The following USH2A variants were observed in gnomAD, a reference collection of about 807,000 sequenced individuals.
USH2A encodes the protein usherin.
A neutral mutation model predicts 538.9 loss-of-function variants in USH2A; 443 were observed. The observed-to-expected ratio is 0.82, with a 90% CI of 0.76 to 0.89. The LOEUF is 0.89. Ranked by LOEUF, USH2A falls within the 40% of genes least tolerant of loss-of-function variation. The pLI is 0.00. For missense variants in USH2A, 6,633 were observed against 6,324.8 expected (o/e 1.05, Z -1.65); for synonymous variants, 2,413 against 2,273.5 (o/e 1.06, Z -1.75).
At chr1:215,695,352 T>C (rs1440457992) in intron 61 of USH2A, among the ~76,000 whole-genome samples, 1 of 152,216 alleles carries the variant, frequency 6.6e-6, no homozygotes, top group Non-Finnish European at 1.5e-5. Context: ...TCCTATCTTA[T>C]TCTAACACAA....
intron 9 of USH2A, among the ~76,000 whole-genome samples, chr1:216,309,599 A>C (rs2037383999): frequency 6.6e-6 from 1 of 152,070 alleles, no homozygotes; most frequent in African/African-American, 2.4e-5. Flanking sequence ...AGGAGTGCTG[A>C]GAGGAAACAT....
intron 20 of USH2A, among the ~76,000 whole-genome samples, chr1:216,188,277 T>C (rs1000285739): frequency 2.0e-5 from 3 of 151,916 alleles, no homozygotes; most frequent in Admixed American, 6.6e-5. Flanking sequence ...TTCTATTCTG[T>C]AGACATGTTT....
intron 33 of USH2A, 101 bp downstream of exon 33, chr1:216,000,302 T>C (rs1338678145): frequency 1.3e-6 from 2 of 1,497,098 alleles, no homozygotes; most frequent in Non-Finnish European, 1.9e-6. Context: ...ATGCATTTAA[T>C]CACAATAAAA....
chr1:216,251,145 T>C (rs2036154058), intron 11 of USH2A, 47 bp from the exon 12 acceptor site: 1 of 1,602,800 alleles, frequency 6.2e-7, no homozygotes, highest in Non-Finnish European at 8.5e-7. Flanking sequence ...TATCTATTTT[T>C]AGATAATTTG....
Position 215,674,911 on chromosome 1 carries a change from G to T in USH2A, c.13000C>A (p.Gln4334Lys), listed in dbSNP as rs367850936. The change falls in exon 63 of 72, where the codon CAA becomes AAA. Residue 4334 changes from glutamine to lysine, a missense_variant. Gln to Lys is a moderately conservative substitution (Grantham distance 53). Coordinates refer to ENST00000307340, the MANE Select transcript of USH2A (RefSeq NM_206933.4). ...GAGCATCCTCCACTCGTGCAGGCTT[G>T]GAGTGCATAGCTATAGGTGGAAAAA... is the stretch of plus-strand genomic sequence containing the variant. ...LPFSTYSYALQACTSGGCSTS... is the reference protein window; with the variant it reads ...LPFSTYSYALKACTSGGCSTS... The T allele has an allele frequency of 5.6e-6, 9 of 1,614,024 alleles. No individual in the cohort carries two copies. The highest frequency in any genetic ancestry group is 7.6e-6 in the Non-Finnish European group (9 of 1,180,024).
chr1:215,993,289 C>T, intron 34 of USH2A, 122 bp from the exon 35 acceptor site: 1 of 1,429,854 alleles, frequency 7.0e-7, no homozygotes, highest in South Asian at 1.2e-5. Flanking sequence ...CTTTACTTCC[C>T]CAAAATAAAT....
intron 61 of USH2A, among the ~76,000 whole-genome samples, chr1:215,716,734 A>G (rs1659499564): frequency 6.6e-6 from 1 of 152,204 alleles, no homozygotes; most frequent in Non-Finnish European, 1.5e-5. Flanking sequence ...AGTATCATAT[A>G]AAATGTTTAA....
intron 20 of USH2A, among the ~76,000 whole-genome samples, chr1:216,188,582 AG>A (rs1490046219): frequency 3.9e-5 from 6 of 151,920 alleles, no homozygotes; most frequent in Non-Finnish European, 8.8e-5. Flanking sequence ...AAGAATGTTG[AG>A]TAGAAGTTAC....
chr1:215,798,293 C>G (rs568079768), intron 50 of USH2A, among the ~76,000 whole-genome samples: 1 of 152,184 alleles, frequency 6.6e-6, no homozygotes, highest in South Asian at 2.1e-4. Context: ...CTTTAAAAGC[C>G]CCACCTCCAA....
At chr1:216,340,618 A>G (rs2038059278) in intron 4 of USH2A, among the ~76,000 whole-genome samples, 1 of 152,000 alleles carries the variant, frequency 6.6e-6, no homozygotes, top group Non-Finnish European at 1.5e-5. Context: ...AATACTGACA[A>G]ACCAAATCCA....
chr1:215,900,730 A>C (rs767407094), intron 39 of USH2A, 25 bp downstream of exon 39: 1 of 1,613,416 alleles, frequency 6.2e-7, no homozygotes, highest in African/African-American at 1.3e-5. Flanking sequence ...CCCAGCTGAT[A>C]GAATGGACAA....
At chr1:215,902,239 A>G (rs1353658731) in intron 38 of USH2A, among the ~76,000 whole-genome samples, 1 of 152,180 alleles carries the variant, frequency 6.6e-6, no homozygotes, top group Non-Finnish European at 1.5e-5. Context: ...TATTTTATAC[A>G]TAACCTTGTG....
At chr1:216,245,795 C>G (rs1317717343) in intron 13 of USH2A, among the ~76,000 whole-genome samples, 1 of 152,178 alleles carries the variant, frequency 6.6e-6, no homozygotes, top group Non-Finnish European at 1.5e-5. Context: ...AACTTTTGTT[C>G]TACTCCTTCT....
intron 21 of USH2A, among the ~76,000 whole-genome samples, chr1:216,103,645 T>C (rs1438223794): frequency 6.6e-6 from 1 of 152,204 alleles, no homozygotes; most frequent in Non-Finnish European, 1.5e-5. Context: ...TTTAATCTTT[T>C]ATCAGAAATT....
At chr1:216,111,602 T>G (rs1411142432) in intron 21 of USH2A, among the ~76,000 whole-genome samples, 1 of 151,834 alleles carries the variant, frequency 6.6e-6, no homozygotes. Flanking sequence ...AAAAAACGCT[T>G]TATTAAACTA....
At chr1:215,645,030 C>T (rs946508742) in intron 67 of USH2A, among the ~76,000 whole-genome samples, 1 of 152,120 alleles carries the variant, frequency 6.6e-6, no homozygotes, top group African/African-American at 2.4e-5. Flanking sequence ...GAAGGACCAC[C>T]CTTTCCTTGT....
At chr1:216,404,062 AC>A (rs1429425907) in intron 3 of USH2A, among the ~76,000 whole-genome samples, 1 of 152,168 alleles carries the variant, frequency 6.6e-6, no homozygotes, top group Non-Finnish European at 1.5e-5. Context: ...TTTATAAATT[AC>A]CCAGTCTCTG....
chr1:215,905,027 T>G (rs768527110), intron 38 of USH2A, among the ~76,000 whole-genome samples: 2 of 152,058 alleles, frequency 1.3e-5, no homozygotes, highest in African/African-American at 4.8e-5. Context: ...TGTCCTAAAC[T>G]TCTCTAAGAA....
chr1:216,053,282 A>T (rs542352128), intron 30 of USH2A, among the ~76,000 whole-genome samples: 1 of 152,266 alleles, frequency 6.6e-6, no homozygotes, highest in East Asian at 1.9e-4. Flanking sequence ...GAGAATTGAC[A>T]TATCTAAAGG....
Sources: allele counts gnomAD v4.1 joint callset (sites outside exome capture counted in the v4.1 genomes callset), GRCh38; gene constraint gnomAD v4.1.1; transcripts MANE v1.5; gene names NCBI Gene and HGNC (gene_info 2026-07-23, HGNC 2026-07-21).